The following ADAMTS9 variants were observed in gnomAD, a reference collection of about 807,000 sequenced individuals.
The protein encoded by ADAMTS9 is A disintegrin and metalloproteinase with thrombospondin motifs 9.
Under a neutral mutation model 257.1 loss-of-function variants are expected in ADAMTS9, and 107 were observed. The observed-to-expected ratio is 0.42, with a 90% CI of 0.36 to 0.49. ADAMTS9 has a LOEUF of 0.49. Ranked by LOEUF, ADAMTS9 falls within the 20% of genes least tolerant of loss-of-function variation. The probability of loss-of-function intolerance (pLI) is 0.03; values close to 1 mark genes in which losing one functional copy is unlikely to be tolerated. For synonymous variants in ADAMTS9, 982 were observed against 880.9 expected, an observed-to-expected ratio of 1.11 and a Z score of -2.03; for missense variants, 2,353 against 2,469.1, an observed-to-expected ratio of 0.95 and a Z score of 1.00.
chr3:64,568,452 G>C lies in ADAMTS9; in HGVS notation c.4440C>G (p.Tyr1480Ter). The change falls in exon 29 of 40, where the codon TAC becomes TAG. Residue 1480 changes from tyrosine to a stop codon, truncating the protein, a stop_gained. Transcript: ENST00000498707. LOFTEE classifies it high-confidence loss of function. ...CATGTGGCTTAGCCAGGTGCTTACA[G>C]TAATCACTTTCTAAATGGCTTCCAT... Reference protein sequence around the residue: ...AKDGSHLESDYCKHLAKPHGH... With the variant: ...AKDGSHLESD 3 of 1,614,126 alleles carry C rather than the reference G, an allele frequency of 1.9e-6. No homozygotes were observed. Among genetic ancestry groups the C allele is most frequent in the South Asian group, 1.1e-5 (1 of 91,076 alleles).
chr3:64,654,918 C>T (rs1013454635), intron 6 of ADAMTS9, among the ~76,000 whole-genome samples: 1 of 152,138 alleles, frequency 6.6e-6, no homozygotes, highest in East Asian at 1.9e-4. Flanking sequence ...CGTAAAGACT[C>T]TTTGAGAACA....
chr3:64,548,282 C>T (rs574131167), intron 31 of ADAMTS9, among the ~76,000 whole-genome samples: 31 of 152,300 alleles, frequency 2.0e-4, no homozygotes, highest in South Asian at 1.2e-3. Flanking sequence ...CATCCCTAGG[C>T]CTTCCCTTCC....
chr3:64,560,280 T>C (rs528195413), intron 30 of ADAMTS9, among the ~76,000 whole-genome samples: 5 of 152,270 alleles, frequency 3.3e-5, no homozygotes, highest in African/African-American at 9.6e-5. Context: ...ATGTAACTGC[T>C]TTAGGCATTC....
At position 64,622,582 on chromosome 3, in the gene ADAMTS9, T is replaced by C. The variant is rs1700135669; in HGVS notation, c.2394A>G (p.Leu798=). The C allele has an allele frequency of 6.2e-7, 1 of 1,613,858 alleles. No homozygotes were observed. Among genetic ancestry groups the C allele is most frequent in the Non-Finnish European group, 8.5e-7 (1 of 1,179,948 alleles). ...GETDDDNYLA[L]SSSKGEFLLN... ...GCAAGAATTCACCTTTACTGCTTGA[T>C]AAAGCTGTAGGTGAAGAAACAGAAT... is the stretch of plus-strand genomic sequence containing the variant. Residue 798 remains leucine, a synonymous_variant, in exon 17 of 40, where the codon TTA becomes TTG. Transcript: ENST00000498707.
chr3:64,556,289 G>A (rs2083332088), intron 30 of ADAMTS9, among the ~76,000 whole-genome samples: 1 of 152,144 alleles, frequency 6.6e-6, no homozygotes, highest in African/African-American at 2.4e-5. Context: ...TGTTCTTACA[G>A]GAAAAACAGA....
At chr3:64,577,938 C>T (rs2083894787) in intron 28 of ADAMTS9, among the ~76,000 whole-genome samples, 1 of 152,218 alleles carries the variant, frequency 6.6e-6, no homozygotes, top group Admixed American at 6.5e-5. Flanking sequence ...TCTGGCCCTT[C>T]TTCTGTAAGC....
chr3:64,596,785 T>A (rs952749414), intron 27 of ADAMTS9, 45 bp downstream of exon 27: 1 of 1,608,752 alleles, frequency 6.2e-7, no homozygotes, highest in Non-Finnish European at 8.5e-7. Context: ...TACAGTTTGG[T>A]TAACACAATT....
chr3:64,536,959 G>C (rs539781580), intron 37 of ADAMTS9, among the ~76,000 whole-genome samples: 1 of 152,236 alleles, frequency 6.6e-6, no homozygotes, highest in African/African-American at 2.4e-5. Context: ...ATTCTGCTTT[G>C]ATTTCTGTGC....
At chr3:64,678,774 G>A (rs1288066862) in intron 3 of ADAMTS9, among the ~76,000 whole-genome samples, 1 of 152,206 alleles carries the variant, frequency 6.6e-6, no homozygotes, top group Non-Finnish European at 1.5e-5. Flanking sequence ...TCTGATACCT[G>A]CTGGTGAATC....
Position 64,686,048 on chromosome 3 carries a change from T to A in ADAMTS9, c.516+520A>T, listed in dbSNP as rs1471096830. Among the ~76,000 whole-genome samples, 4 of 152,096 alleles carry A rather than the reference T, an allele frequency of 2.6e-5. No individual in the cohort carries two copies. Among genetic ancestry groups the A allele is most frequent in the Non-Finnish European group, 5.9e-5 (4 of 68,014 alleles). On this transcript the variant is annotated intron_variant, in intron 2 of 39. Transcript: ENST00000498707. The surrounding 1 kb of genome is among the most constrained non-coding windows in gnomAD (Gnocchi z 4.6). Reference sequence around the variant, plus strand: ...AGCCTCAGGGTTCCTGGCGCGTGAATAAAGGCCCTGAGAGAAAGCGGGGAC... The same window carrying A: ...AGCCTCAGGGTTCCTGGCGCGTGAAAAAAGGCCCTGAGAGAAAGCGGGGAC...
At chr3:64,668,737 G>T (rs1576179134) in intron 3 of ADAMTS9, among the ~76,000 whole-genome samples, 1 of 152,134 alleles carries the variant, frequency 6.6e-6, no homozygotes, top group Admixed American at 6.5e-5. Context: ...TGGCTCCCAG[G>T]CCTGCCGCTG....
At chr3:64,680,892 G>A (rs759733251) in intron 3 of ADAMTS9, among the ~76,000 whole-genome samples, 4 of 152,096 alleles carry the variant, frequency 2.6e-5, no homozygotes, top group Non-Finnish European at 5.9e-5. Flanking sequence ...TATTACTCAA[G>A]GTTAAGCCTA....
intron 31 of ADAMTS9, 105 bp downstream of exon 31, chr3:64,550,787 G>A (rs2083260434): frequency 7.0e-7 from 1 of 1,432,090 alleles, no homozygotes; most frequent in East Asian, 2.3e-5. Context: ...AATCGGGCGG[G>A]TAGCCTCAAG....
intron 6 of ADAMTS9, 183 bp from the exon 7 acceptor site, chr3:64,654,795 TTA>T: frequency 1.6e-6 from 1 of 613,424 alleles, no homozygotes; most frequent in South Asian, 2.1e-5. Context: ...GATTTAAGAA[TTA>T]TAAACTACTA....
intron 39 of ADAMTS9, chr3:64,521,488 A>ACT (rs1559744326): frequency 6.6e-6 from 1 of 152,180 alleles, no homozygotes; most frequent in Non-Finnish European, 1.5e-5. Flanking sequence ...AGACACCTGC[A>ACT]CTCACATGTT....
chr3:64,610,504 TA>T (rs1235447287), intron 22 of ADAMTS9, among the ~76,000 whole-genome samples: 2 of 97,812 alleles, frequency 2.0e-5, no homozygotes, highest in African/African-American at 9.0e-5. Flanking sequence ...ACACAATTCA[TA>T]TTTTTTTTTA....
At chr3:64,630,924 T>TA (rs1181451979) in intron 16 of ADAMTS9, among the ~76,000 whole-genome samples, 1 of 152,140 alleles carries the variant, frequency 6.6e-6, no homozygotes, top group Non-Finnish European at 1.5e-5. Context: ...GAGAAGAGGA[T>TA]AAAAAATCTG....
intron 31 of ADAMTS9, among the ~76,000 whole-genome samples, chr3:64,547,860 T>A (rs1342061328): frequency 1.3e-5 from 2 of 152,138 alleles, no homozygotes; most frequent in Non-Finnish European, 2.9e-5. Context: ...TAGCTAAGTT[T>A]TTTTTTTTAT....
At chr3:64,542,165 T>A (rs778765100) in intron 32 of ADAMTS9, among the ~76,000 whole-genome samples, 195 bp from the exon 33 acceptor site, 3 of 152,158 alleles carry the variant, frequency 2.0e-5, no homozygotes, top group African/African-American at 4.8e-5. Context: ...TATAGATTCA[T>A]GTTCATGCAT....
Sources: gnomAD v4.1 joint callset for allele counts (sites outside exome capture counted in the v4.1 genomes callset) on GRCh38, gnomAD v4.1.1 for gene constraint, Gnocchi (gnomAD v3.1) non-coding constraint, MANE v1.5 for transcripts, NCBI Gene and HGNC (gene_info 2026-07-23, HGNC 2026-07-21) for gene names.